Variants in TGFBR3 observed in about 807,000 individuals in gnomAD.
TGFBR3 encodes transforming growth factor beta receptor type 3.
In TGFBR3, 46 loss-of-function variants were observed where a neutral mutation model predicts 87.9. That is an observed-to-expected ratio of 0.52 (90% CI 0.41 to 0.67). TGFBR3 has a LOEUF of 0.67. Among genes scored for constraint, TGFBR3 ranks in the 30% least tolerant of loss-of-function variants. The probability of loss-of-function intolerance (pLI) is 0.00; values close to 1 mark genes in which losing one functional copy is unlikely to be tolerated. For missense variants in TGFBR3, 866 were observed against 1,041.9 expected, an observed-to-expected ratio of 0.83 and a Z score of 2.32; for synonymous variants, 381 against 391.6, an observed-to-expected ratio of 0.97 and a Z score of 0.32.
At position 91,708,718 on chromosome 1, in the gene TGFBR3, A is replaced by T; in HGVS notation, c.2232T>A (p.Asn744Lys). ...DASIIWAMMQ[N>K]KKTFTKPLAV... ...CAAGGGGCTTAGTGAACGTCTTCTTATTCTGCATCATGGCCCAGATTATCG... is the reference window on the plus strand; with the variant it reads ...CAAGGGGCTTAGTGAACGTCTTCTTTTTCTGCATCATGGCCCAGATTATCG... Residue 744 changes from asparagine (N) to lysine (K), a missense_variant, in exon 14 of 17, where the codon AAT becomes AAA. Physicochemically the swap from Asn to Lys is moderately conservative, Grantham distance 94. Coordinates refer to ENST00000212355, the MANE Select transcript of TGFBR3 (RefSeq NM_003243.5). 2 of 1,614,068 alleles carry T rather than the reference A, an allele frequency of 1.2e-6. No individual in the cohort carries two copies. The highest frequency in any genetic ancestry group is 1.7e-6 in the Non-Finnish European group (2 of 1,179,952).
In TGFBR3 at chr1:91,797,179, C is replaced by A. The variant is rs545046017; in HGVS notation, c.246+108G>T. On this transcript the variant is annotated intron_variant, in intron 3 of 16. Transcript: ENST00000212355. Reference sequence around the variant, plus strand: ...TTAAATCTGTTCTCTTATGTTCATACATGAGCTTCTTTTGTTGAACCCCAG... The same window carrying A: ...TTAAATCTGTTCTCTTATGTTCATAAATGAGCTTCTTTTGTTGAACCCCAG... 31 of 1,195,128 alleles carry A rather than the reference C, an allele frequency of 2.6e-5. No homozygotes were observed. The South Asian group carries it at 3.3e-4, about 13-fold the overall frequency. 74.0% of individuals were successfully genotyped at this position (1,195,128 alleles called of 1,614,324 possible). A position where few individuals can be genotyped will look rare whatever the true frequency, so the allele number is the denominator to read the frequency against.
upstream of TGFBR3, among the ~76,000 whole-genome samples, chr1:91,890,273 A>G (rs1679416648): frequency 6.6e-6 from 1 of 152,118 alleles, no homozygotes; most frequent in African/African-American, 2.4e-5. Context: ...ACATGTTGAC[A>G]GTGACTCAGA....
intron 4 of TGFBR3, among the ~76,000 whole-genome samples, chr1:91,740,784 A>G (rs1673134310): frequency 6.6e-6 from 1 of 152,210 alleles, no homozygotes; most frequent in African/African-American, 2.4e-5. Flanking sequence ...CATGCTCCAG[A>G]CACTGCATTA....
At chr1:91,865,913 CAA>C (rs11330651) in intron 1 of TGFBR3, among the ~76,000 whole-genome samples, 276 of 108,768 alleles carry the variant, frequency 2.5e-3, no homozygotes, top group Middle Eastern at 0.013. Flanking sequence ...CTACGTCTCC[CAA>C]AAAAAAAAAA....
At chr1:91,747,391 G>T (rs1414248067) in intron 4 of TGFBR3, among the ~76,000 whole-genome samples, 1 of 152,218 alleles carries the variant, frequency 6.6e-6, no homozygotes, top group African/African-American at 2.4e-5. Context: ...CTTCACTGCT[G>T]CTTGCAGAGA....
chr1:91,725,258 T>C (rs969885820), intron 7 of TGFBR3, among the ~76,000 whole-genome samples: 15 of 152,142 alleles, frequency 9.9e-5, no homozygotes, highest in African/African-American at 3.4e-4. Flanking sequence ...GCATAAGACA[T>C]CCATATTTAA....
Position 91,719,977 on chromosome 1 carries a change from C to T in TGFBR3, c.1329G>A (p.Glu443=), listed in dbSNP as rs1672304006. ...GGGCAATATCCACGCTCCCTTGCAC[C>T]TCTTCTGGCTCTCTGAGACCAGGAA... ...QLFPGLREPE[E]VQGSVDIALS... The change falls in exon 9 of 17, where the codon GAG becomes GAA. Residue 443 remains glutamate, a synonymous_variant. Coordinates refer to ENST00000212355, the MANE Select transcript of TGFBR3 (RefSeq NM_003243.5). 1.2e-6 allele frequency: 2 copies of T among 1,614,214 alleles called. No individual in the cohort carries two copies. Among genetic ancestry groups the T allele is most frequent in the Non-Finnish European group, 8.5e-7 (1 of 1,180,028 alleles).
chr1:91,832,952 G>A (rs1243161835), intron 2 of TGFBR3, among the ~76,000 whole-genome samples: 3 of 150,574 alleles, frequency 2.0e-5, no homozygotes, highest in East Asian at 2.0e-4. Flanking sequence ...AGGTTGCAGT[G>A]AGCCCAGATC....
chr1:91,785,863 C>A (rs1457554507), intron 3 of TGFBR3, among the ~76,000 whole-genome samples: 9 of 151,510 alleles, frequency 5.9e-5, no homozygotes, highest in Non-Finnish European at 1.3e-4. Flanking sequence ...AACCTTCGGG[C>A]TCAAGTGATC....
chr1:91,705,898 T>C (rs900763129), intron 14 of TGFBR3, among the ~76,000 whole-genome samples: 2 of 152,210 alleles, frequency 1.3e-5, no homozygotes, highest in South Asian at 2.1e-4. Context: ...CAAGAAAACA[T>C]TGAACTTTCA....
intron 4 of TGFBR3, among the ~76,000 whole-genome samples, chr1:91,750,001 C>T (rs905684761): frequency 3.3e-5 from 5 of 152,174 alleles, no homozygotes; most frequent in African/African-American, 9.7e-5. Flanking sequence ...CCTTAAAAGA[C>T]GTTATGGGAC....
intron 12 of TGFBR3, among the ~76,000 whole-genome samples, chr1:91,714,340 AC>A (rs1188101622): frequency 6.6e-6 from 1 of 152,212 alleles, no homozygotes. Flanking sequence ...TGGGTTATTA[AC>A]AACTGGGTTT....
chr1:91,895,505 G>C (rs1049198540), intron 2 of TGFBR3, among the ~76,000 whole-genome samples: 4 of 151,864 alleles, frequency 2.6e-5, no homozygotes, highest in Non-Finnish European at 5.9e-5. Context: ...TTTTTTTAGA[G>C]AGATGGGGTC....
At position 91,865,224 on chromosome 1, in the gene TGFBR3, AAAAG is replaced by A. The variant is rs1557751994; in HGVS notation, c.-113-3584_-113-3581del. Among the ~76,000 whole-genome samples the A allele has an allele frequency of 3.3e-5, 5 of 151,736 alleles. No individual in the cohort carries two copies. In the East Asian group the frequency reaches 5.8e-4, roughly 18 times the overall value. On this transcript the variant is annotated intron_variant, in intron 1 of 16. Coordinates refer to ENST00000212355, the MANE Select transcript of TGFBR3 (RefSeq NM_003243.5). Reference sequence around the variant, plus strand: ...TCTCAAAAAAAAAAAAAAAAAGAAAAAAAGAAAGAAAGAAATATAGGTTCTGTCT... The same window carrying A: ...TCTCAAAAAAAAAAAAAAAAAGAAAAAAAGAAAGAAATATAGGTTCTGTCT...
intron 3 of TGFBR3, chr1:91,766,379 AC>A (rs1674187772): frequency 5.9e-5 from 9 of 152,064 alleles, no homozygotes; most frequent in Admixed American, 4.6e-4. Flanking sequence ...TAGCTTTGCT[AC>A]ATACCTGTTT....
At chr1:91,905,495 C>T (rs17882963) in intron 1 of TGFBR3, among the ~76,000 whole-genome samples, 2 of 152,270 alleles carry the variant, frequency 1.3e-5, no homozygotes, top group South Asian at 2.1e-4. Flanking sequence ...TGCAGTGGCA[C>T]GACCTCGGCT....
intron 14 of TGFBR3, among the ~76,000 whole-genome samples, chr1:91,702,284 C>T (rs1360449036): frequency 6.6e-6 from 1 of 152,124 alleles, no homozygotes; most frequent in African/African-American, 2.4e-5. Flanking sequence ...ACAAATATCA[C>T]GTATATTTTA....
chr1:91,778,159 TA>T (rs79576439), intron 3 of TGFBR3, among the ~76,000 whole-genome samples: 14,576 of 134,950 alleles, frequency 0.11, 961 homozygotes, highest in African/African-American at 0.21. Flanking sequence ...TAATCTAGGT[TA>T]AAAAAAAAAA....
At chr1:91,828,334 GA>G (rs1451957755) in intron 2 of TGFBR3, among the ~76,000 whole-genome samples, 1 of 152,104 alleles carries the variant, frequency 6.6e-6, no homozygotes, top group Non-Finnish European at 1.5e-5. Context: ...CTAGTCAAAG[GA>G]AAAAGAGTTT....
Sources: gnomAD v4.1 joint callset for allele counts (sites outside exome capture counted in the v4.1 genomes callset) on GRCh38, gnomAD v4.1.1 for gene constraint, MANE v1.5 for transcripts, NCBI Gene and HGNC (gene_info 2026-07-23, HGNC 2026-07-21) for gene names.